KIF21B: variants seen among roughly 807,000 people sequenced by gnomAD.
The protein encoded by KIF21B is kinesin-like protein KIF21B.
KIF21B carries 85 observed loss-of-function variants against 192.9 expected under a neutral mutation model. That is an observed-to-expected ratio of 0.44 (90% confidence interval 0.37 to 0.53). The LOEUF (loss-of-function observed/expected upper bound fraction) is 0.53, where lower values mean the gene tolerates loss of function less well. Ranked by LOEUF, KIF21B falls within the 20% of genes least tolerant of loss-of-function variation. KIF21B has a pLI of 0.00. For synonymous variants in KIF21B, 832 were observed against 884.6 expected (o/e 0.94, Z 1.05); for missense variants, 1,716 against 2,194.8 (o/e 0.78, Z 4.36).
Position 201,018,006 on chromosome 1 carries a change from T to C in KIF21B, c.41+5337A>G, listed in dbSNP as rs182024710. Among the ~76,000 whole-genome samples the C allele has an allele frequency of 1.6e-3, 247 of 152,240 alleles. 1 individual carries two copies. The highest frequency in any genetic ancestry group is 2.5e-3 in the Non-Finnish European group (170 of 67,998). On this transcript the variant is annotated intron_variant, in intron 1 of 34. Coordinates refer to ENST00000461742, the MANE Select transcript of KIF21B (RefSeq NM_001252102.2). ...CAAGGAAGAGCCGTTCCAGTCCAGC[T>C]TCCCTCATGGCAGGGAAGCAACCTC...
chr1:201,009,949 C>T (rs957912808), intron 1 of KIF21B, among the ~76,000 whole-genome samples: 2 of 152,188 alleles, frequency 1.3e-5, no homozygotes, highest in African/African-American at 2.4e-5. Flanking sequence ...ATCAGCATCT[C>T]GTCAGGGGAG....
intron 8 of KIF21B, 48 bp downstream of exon 8, chr1:201,003,538 G>A (rs764562694): frequency 1.3e-6 from 2 of 1,592,348 alleles, no homozygotes; most frequent in Admixed American, 1.7e-5. Context: ...TGCATATGGA[G>A]CACTAGCTCC....
Position 200,986,868 on chromosome 1 carries a change from G to A in KIF21B, c.3665C>T (p.Ser1222Phe). The change falls in exon 26 of 35, where the codon TCC becomes TTC. Residue 1222 changes from serine (S) to phenylalanine (F), a missense_variant. This residue lies in a region of KIF21B where 580 missense variants were observed against 775.5 expected (regional missense o/e 0.75). Coordinates refer to ENST00000461742, the MANE Select transcript of KIF21B (RefSeq NM_001252102.2). The stretch of plus-strand genomic sequence containing the variant: ...CCTAATGGGCTGCCCTCGGTCGTAG[G>A]ACTTCCTTCTCGTCAGCGGGGACGT... The part of the protein sequence containing the change: ...TETSPLTRRK[S>F]YDRGQPIRST... 1 of 1,613,816 alleles carries A rather than the reference G, an allele frequency of 6.2e-7. No individual in the cohort carries two copies. Among genetic ancestry groups the A allele is most frequent in the South Asian group, 1.1e-5 (1 of 91,010 alleles).
chr1:200,973,199 C>T lies in KIF21B; in HGVS notation c.*322G>A. ...AGGGCTCCACCACTGGGCCAAAGGC[C>T]TGAGAAAGGGGCAGAGCCGGTTCAG... On this transcript the variant is annotated 3_prime_UTR_variant, in exon 35 of 35. Transcript: ENST00000461742. 3.5e-6 allele frequency: 1 copy of T among 289,430 alleles called. No individual in the cohort carries two copies. 17.9% of individuals were successfully genotyped at this position (289,430 alleles called of 1,614,324 possible).
Position 200,992,528 on chromosome 1 carries a change from T to C in KIF21B, c.2278-139A>G, listed in dbSNP as rs1656771473. The stretch of plus-strand genomic sequence containing the variant: ...AACACTGGCTCAGGGCCTGGGGGTC[T>C]GAAGTGAGGGGTTCTACCTCCCACT... On this transcript the variant is annotated intron_variant, in intron 15 of 34. Coordinates refer to ENST00000461742, the MANE Select transcript of KIF21B (RefSeq NM_001252102.2). 3 of 855,008 alleles carry C rather than the reference T, an allele frequency of 3.5e-6. No homozygotes were observed. In the Admixed American group the frequency reaches 6.4e-5, roughly 18 times the overall value. 53.0% of individuals were successfully genotyped at this position (855,008 alleles called of 1,614,324 possible).
chr1:200,973,159 G>A lies in KIF21B; in HGVS notation c.*362C>T, dbSNP rs539503660. On this transcript the variant is annotated 3_prime_UTR_variant, in exon 35 of 35. Coordinates refer to ENST00000461742, the MANE Select transcript of KIF21B (RefSeq NM_001252102.2). ...CGGAAGGGTGGGATGGGGCCAGGCT[G>A]CTGCACCTCCCCACAGGGCTCCACC... 6.2e-5 allele frequency: 14 copies of A among 224,452 alleles called. No individual in the cohort carries two copies. Among genetic ancestry groups the A allele is most frequent in the Admixed American group, 3.5e-4 (6 of 17,122 alleles). The allele number at this position is 224,452 out of a possible 1,614,324, so 13.9% of individuals were successfully genotyped here. A position where few individuals can be genotyped will look rare whatever the true frequency, so the allele number is the denominator to read the frequency against.
At position 201,013,893 on chromosome 1, in the gene KIF21B, T is replaced by C. The variant is rs921153629; in HGVS notation, c.42-4405A>G. Reference sequence around the variant, plus strand: ...CGGCCCAAACATCTAGTGTCATTTCTGTCCAGGGTACCTGGAGGTCATCTC... The same window carrying C: ...CGGCCCAAACATCTAGTGTCATTTCCGTCCAGGGTACCTGGAGGTCATCTC... On this transcript the variant is annotated intron_variant, in intron 1 of 34. Coordinates refer to ENST00000461742, the MANE Select transcript of KIF21B (RefSeq NM_001252102.2). Among the ~76,000 whole-genome samples the C allele has an allele frequency of 2.0e-5, 3 of 152,336 alleles. No individual in the cohort carries two copies. In the East Asian group the frequency reaches 5.8e-4, roughly 29 times the overall value.
chr1:201,004,206 C>A lies in KIF21B; in HGVS notation c.1016+134G>T, dbSNP rs1484327586. 4.3e-6 allele frequency: 3 copies of A among 696,342 alleles called. No individual in the cohort carries two copies. The South Asian group carries it at 5.5e-5, about 13-fold the overall frequency. 43.1% of individuals were successfully genotyped at this position (696,342 alleles called of 1,614,324 possible). The stretch of plus-strand genomic sequence containing the variant: ...GTCATAAAGCACCTCAAGGTTCCTA[C>A]CTCCTAAACCTGCAGCCTAGGATGG... On this transcript the variant is annotated intron_variant, in intron 7 of 34. Transcript: ENST00000461742.
At chr1:201,015,657 T>G (rs761085852) in intron 1 of KIF21B, among the ~76,000 whole-genome samples, 1 of 151,808 alleles carries the variant, frequency 6.6e-6, no homozygotes, top group Non-Finnish European at 1.5e-5. Context: ...GATGAGTGAG[T>G]GTATGGAGGG....
Position 200,998,407 on chromosome 1 carries a change from C to T in KIF21B, c.2054G>A (p.Arg685His), listed in dbSNP as rs764120600. Residue 685 changes from arginine to histidine, a missense_variant, in exon 14 of 35, where the codon CGC becomes CAC. By Grantham distance (29) the Arg-to-His change is conservative. Around this residue, in one of 3 missense-constraint regions of KIF21B, gnomAD observed 1,087 missense variants for 1,316.6 expected, o/e 0.83. Coordinates refer to ENST00000461742, the MANE Select transcript of KIF21B (RefSeq NM_001252102.2). The surrounding 1 kb of genome is among the most constrained non-coding windows in gnomAD (Gnocchi z 4.3). ...QNKIRDTQLE[R>H]DRVLQNLSTM... ...ACTGAGGTTCTGCAGCACACGGTCG[C>T]GCTCCAGCTGTGTGTCTCGGATCTT... The T allele has an allele frequency of 3.1e-6, 5 of 1,613,498 alleles. No homozygotes were observed. Among genetic ancestry groups the T allele is most frequent in the South Asian group, 1.1e-5 (1 of 91,060 alleles).
At position 200,990,178 on chromosome 1, in the gene KIF21B, G is replaced by A. The variant is rs375029523; in HGVS notation, c.2990C>T (p.Thr997Ile). ...ANIDYINDGI[T>I]DCQATIVQLE... is the part of the protein sequence containing the mutation. Reference sequence around the variant, plus strand: ...CTGCACGATGGTGGCCTGGCAGTCGGTGATGCCGTCATTGATGTAGTCAAT... The same window carrying A: ...CTGCACGATGGTGGCCTGGCAGTCGATGATGCCGTCATTGATGTAGTCAAT... The change falls in exon 20 of 35, where the codon ACC (threonine) becomes ATC (isoleucine). Residue 997 changes from threonine to isoleucine, a missense_variant. Transcript: ENST00000461742. The surrounding 1 kb of genome is among the most constrained non-coding windows in gnomAD (Gnocchi z 5.4). 6.2e-7 allele frequency: 1 copy of A among 1,614,054 alleles called. No homozygotes were observed. The highest frequency in any genetic ancestry group is 1.3e-5 in the African/African-American group (1 of 75,056).
At chr1:201,019,218 C>A (rs1435042442) in intron 1 of KIF21B, among the ~76,000 whole-genome samples, 1 of 152,194 alleles carries the variant, frequency 6.6e-6, no homozygotes, top group Non-Finnish European at 1.5e-5. Context: ...CAGTCATGAG[C>A]CACTGCGCCT....
chr1:200,988,919 C>G lies in KIF21B; in HGVS notation c.3145G>C (p.Ala1049Pro). ...AGCCGGATCTGGGCTTCCTTTTGTG[C>G]CACTTGCAGCCCCTGGGGGCAGGGA... ...KASIDKGLQV[A>P]QKEAQIRLLE... Residue 1049 changes from alanine (A) to proline (P), a missense_variant, in exon 22 of 35, where the codon GCA becomes CCA. Physicochemically the swap from Ala to Pro is conservative, Grantham distance 27. Transcript: ENST00000461742. 6.2e-7 allele frequency: 1 copy of G among 1,610,054 alleles called. No homozygotes were observed. The highest frequency in any genetic ancestry group is 1.7e-5 in the Admixed American group (1 of 59,678).
intron 15 of KIF21B, among the ~76,000 whole-genome samples, chr1:200,993,765 C>CAAAAAAAAAAA (rs553024029): frequency 2.2e-5 from 2 of 91,700 alleles, no homozygotes; most frequent in Non-Finnish European, 5.4e-5. Flanking sequence ...CAAAACAAAA[C>CAAAAAAAAAAA]AAAAAAAAAA....
At chr1:200,994,298 C>T (rs1571937445) in intron 15 of KIF21B, among the ~76,000 whole-genome samples, 1 of 152,242 alleles carries the variant, frequency 6.6e-6, no homozygotes, top group African/African-American at 2.4e-5. Context: ...TGGCTGCAGG[C>T]CCCACCCCAG....
intron 32 of KIF21B, 44 bp downstream of exon 32, chr1:200,976,731 GA>G: frequency 8.0e-7 from 1 of 1,257,192 alleles, no homozygotes; most frequent in Non-Finnish European, 1.1e-6. Flanking sequence ...AAAGATTGGG[GA>G]GAGTGGAAGA....
chr1:200,976,468 A>G (rs1192449725), intron 32 of KIF21B, among the ~76,000 whole-genome samples: 1 of 152,222 alleles, frequency 6.6e-6, no homozygotes, highest in African/African-American at 2.4e-5. Context: ...TAGTGTTTGT[A>G]TACTTCATGT....
At chr1:200,973,846 G>A (rs936919416) in intron 34 of KIF21B, 1 of 1,438,850 alleles carries the variant, frequency 6.9e-7, no homozygotes, top group African/African-American at 1.4e-5. Context: ...AGGCCTGAAG[G>A]CTCCCCCTTC....
chr1:200,993,625 C>A (rs1314552735), intron 15 of KIF21B, among the ~76,000 whole-genome samples: 3 of 152,004 alleles, frequency 2.0e-5, no homozygotes, highest in African/African-American at 7.2e-5. Context: ...TGGTGTGTGC[C>A]CATAGTCCCA....
Sources: allele counts gnomAD v4.1 joint callset (sites outside exome capture counted in the v4.1 genomes callset), GRCh38; gene constraint gnomAD v4.1.1; regional missense constraint gnomAD v4.1.1; non-coding constraint Gnocchi (gnomAD v3.1); transcripts MANE v1.5; gene names NCBI Gene and HGNC (gene_info 2026-07-23, HGNC 2026-07-21).